Variants in SEMA3C observed in about 807,000 individuals in gnomAD.
The protein encoded by SEMA3C is semaphorin-3C.
A neutral mutation model predicts 89.4 loss-of-function variants in SEMA3C; 47 were observed. The ratio of observed to expected loss-of-function variants is 0.53; its 90% CI spans 0.42 to 0.67. The LOEUF is 0.67. Among genes scored for constraint, SEMA3C ranks in the 30% least tolerant of loss-of-function variants. SEMA3C has a pLI of 0.00. For missense variants in SEMA3C, 839 were observed against 929.1 expected, an observed-to-expected ratio of 0.90 and a Z score of 1.26; for synonymous variants, 310 against 320.2, an observed-to-expected ratio of 0.97 and a Z score of 0.34.
At chr7:80,916,180 T>C (rs970780283) in intron 2 of SEMA3C, among the ~76,000 whole-genome samples, 10 of 152,216 alleles carry the variant, frequency 6.6e-5, no homozygotes, top group African/African-American at 2.2e-4. Flanking sequence ...TAGGGGACTA[T>C]GCCAATCTCA....
chr7:80,851,568 C>A (rs1426355488), intron 2 of SEMA3C, among the ~76,000 whole-genome samples: 1 of 137,130 alleles, frequency 7.3e-6, no homozygotes, highest in Non-Finnish European at 1.6e-5. Flanking sequence ...ATGAGCACAT[C>A]ATTCATGGGG....
At chr7:80,882,811 G>A (rs1298278983) in intron 2 of SEMA3C, among the ~76,000 whole-genome samples, 2 of 151,574 alleles carry the variant, frequency 1.3e-5, no homozygotes, top group Non-Finnish European at 2.9e-5. Flanking sequence ...AGAGTTATGT[G>A]GAAAACTTTT....
chr7:80,869,136 C>T (rs973911086), intron 2 of SEMA3C, among the ~76,000 whole-genome samples: 3 of 152,136 alleles, frequency 2.0e-5, no homozygotes, highest in African/African-American at 7.2e-5. Flanking sequence ...TCCAAATCAG[C>T]ACAATTTTTA....
intron 2 of SEMA3C, among the ~76,000 whole-genome samples, chr7:80,852,925 G>A (rs1054860300): frequency 5.9e-5 from 9 of 151,952 alleles, no homozygotes; most frequent in Admixed American, 3.3e-4. Flanking sequence ...TGATCCGCCC[G>A]CCTCGGCCTC....
chr7:80,761,523 C>A (rs145505943), intron 14 of SEMA3C, 93 bp downstream of exon 14: 6 of 686,882 alleles, frequency 8.7e-6, no homozygotes, highest in African/African-American at 5.6e-5. Context: ...TTTGTTAGTA[C>A]GATAACTAAT....
chr7:80,828,844 A>T, intron 2 of SEMA3C, 99 bp from the exon 3 acceptor site: 1 of 940,344 alleles, frequency 1.1e-6, no homozygotes. Flanking sequence ...AAAAATGTCA[A>T]GGTACATTTT....
intron 2 of SEMA3C, among the ~76,000 whole-genome samples, chr7:80,878,666 T>G (rs1479905896): frequency 1.3e-5 from 2 of 152,084 alleles, no homozygotes; most frequent in African/African-American, 4.8e-5. Context: ...GATGTTCAAT[T>G]AGGTGTCCAG....
chr7:80,778,799 A>T (rs1386632656), intron 12 of SEMA3C, among the ~76,000 whole-genome samples: 1 of 152,174 alleles, frequency 6.6e-6, no homozygotes, highest in Non-Finnish European at 1.5e-5. Context: ...ACATCTGATG[A>T]TCTTGACCAC....
intron 2 of SEMA3C, among the ~76,000 whole-genome samples, chr7:80,869,110 T>C (rs1393519051): frequency 2.0e-5 from 3 of 152,212 alleles, no homozygotes; most frequent in Non-Finnish European, 4.4e-5. Flanking sequence ...TGGCGATTTA[T>C]TTAAAATCCT....
intron 7 of SEMA3C, among the ~76,000 whole-genome samples, chr7:80,804,961 GT>G (rs1166137498): frequency 6.6e-6 from 1 of 151,948 alleles, no homozygotes; most frequent in Non-Finnish European, 1.5e-5. Flanking sequence ...AAGAATCTTC[GT>G]TTTTTGTTTT....
At chr7:80,851,453 G>A (rs779679659) in intron 2 of SEMA3C, among the ~76,000 whole-genome samples, 1 of 145,560 alleles carries the variant, frequency 6.9e-6, no homozygotes, top group Non-Finnish European at 1.5e-5. Context: ...GCAGTGAGCC[G>A]AGGTCGTGCC....
At chr7:80,877,460 T>C (rs1040736187) in intron 2 of SEMA3C, among the ~76,000 whole-genome samples, 8 of 151,902 alleles carry the variant, frequency 5.3e-5, no homozygotes, top group Non-Finnish European at 1.0e-4. Context: ...CTTTCCTTTA[T>C]AGTGAAAAAA....
intron 14 of SEMA3C, among the ~76,000 whole-genome samples, chr7:80,759,027 A>G (rs1788128424): frequency 1.3e-5 from 2 of 152,314 alleles, no homozygotes; most frequent in South Asian, 4.1e-4. Flanking sequence ...AACTACTTAA[A>G]AATAATTATT....
chr7:80,796,990 G>T (rs1168684825), intron 11 of SEMA3C, among the ~76,000 whole-genome samples: 1 of 151,814 alleles, frequency 6.6e-6, no homozygotes, highest in African/African-American at 2.4e-5. Context: ...AAAATAAAAT[G>T]AATCAACAAT....
At chr7:80,864,026 A>T (rs1420780115) in intron 2 of SEMA3C, among the ~76,000 whole-genome samples, 1 of 151,700 alleles carries the variant, frequency 6.6e-6, no homozygotes, top group African/African-American at 2.4e-5. Context: ...TCACATATAT[A>T]TCACATATAT....
At position 80,818,363 on chromosome 7, in the gene SEMA3C, T is replaced by C. The variant is rs1160693641; in HGVS notation, c.383A>G (p.Tyr128Cys). The C allele has an allele frequency of 1.2e-6, 2 of 1,613,460 alleles. No individual in the cohort carries two copies. Among genetic ancestry groups the C allele is most frequent in the Non-Finnish European group, 8.5e-7 (1 of 1,179,638 alleles). ...ACTGAAAGCGCCACTCCCACAGACATACAAATGTGTGCGATTGAAAGTCTG... is the reference window on the plus strand; with the variant it reads ...ACTGAAAGCGCCACTCCCACAGACACACAAATGTGTGCGATTGAAAGTCTG... Reference protein sequence around the residue: ...VIQTFNRTHLYVCGSGAFSPV... With the variant: ...VIQTFNRTHLCVCGSGAFSPV... The change falls in exon 5 of 18, where the codon TAT becomes TGT. Residue 128 changes from tyrosine (Y) to cysteine (C), a missense_variant. Transcript: ENST00000265361.
intron 2 of SEMA3C, among the ~76,000 whole-genome samples, chr7:80,842,142 G>C (rs1479655526): frequency 6.6e-6 from 1 of 152,138 alleles, no homozygotes; most frequent in Non-Finnish European, 1.5e-5. Context: ...CATAGTAATA[G>C]AGCCACCCTT....
chr7:80,919,751 G>C (rs531357835), upstream of SEMA3C, among the ~76,000 whole-genome samples: 148 of 151,938 alleles, frequency 9.7e-4, no homozygotes, highest in African/African-American at 3.4e-3. Context: ...ACCACGCCCA[G>C]CTAATTTTTG....
At chr7:80,907,403 A>G (rs1229866950) in intron 2 of SEMA3C, among the ~76,000 whole-genome samples, 1 of 152,006 alleles carries the variant, frequency 6.6e-6, no homozygotes. Flanking sequence ...TGGTGATGAT[A>G]ATACACTCAT....
Sources: gnomAD v4.1 joint callset for allele counts (sites outside exome capture counted in the v4.1 genomes callset) on GRCh38, gnomAD v4.1.1 for gene constraint, MANE v1.5 for transcripts, NCBI Gene and HGNC (gene_info 2026-07-23, HGNC 2026-07-21) for gene names.